Variants in RARB observed in about 807,000 individuals in gnomAD.
The protein encoded by RARB is retinoic acid receptor beta, also known as HBV-activated protein.
In RARB, 17 loss-of-function variants were observed where a neutral mutation model predicts 51.9. The observed-to-expected ratio is 0.33, with a 90% confidence interval of 0.22 to 0.49. The LOEUF (loss-of-function observed/expected upper bound fraction) is 0.49, where lower values mean the gene tolerates loss of function less well. Ranked by LOEUF, RARB falls within the 20% of genes least tolerant of loss-of-function variation. RARB has a pLI of 0.99. For synonymous variants in RARB, 215 were observed against 195.4 expected, an observed-to-expected ratio of 1.10 and a Z score of -0.84; for missense variants, 369 against 550.8, an observed-to-expected ratio of 0.67 and a Z score of 3.30.
intron 4 of RARB, among the ~76,000 whole-genome samples, chr3:25,161,722 C>G (rs911305364): frequency 1.3e-5 from 2 of 152,156 alleles, no homozygotes; most frequent in African/African-American, 4.8e-5. Context: ...GTGTGTGTAT[C>G]TTACTCACTT....
intron 2 of RARB, among the ~76,000 whole-genome samples, chr3:25,059,558 T>A (rs1698506919): frequency 6.6e-6 from 1 of 151,834 alleles, no homozygotes; most frequent in Admixed American, 6.6e-5. Flanking sequence ...AATACGTATT[T>A]AATGATGCTT....
At chr3:24,897,493 G>T (rs1326675110) in intron 2 of RARB, among the ~76,000 whole-genome samples, 1 of 152,116 alleles carries the variant, frequency 6.6e-6, no homozygotes, top group Non-Finnish European at 1.5e-5. Flanking sequence ...AAGTGACCAA[G>T]TTACTTCTTC....
chr3:25,058,457 T>C (rs1461506634), intron 2 of RARB, among the ~76,000 whole-genome samples: 1 of 151,790 alleles, frequency 6.6e-6, no homozygotes, highest in Non-Finnish European at 1.5e-5. Flanking sequence ...CTCTGGCCAT[T>C]GAACAAATGT....
At position 25,461,376 on chromosome 3, in the gene RARB, C is replaced by T. The variant is rs146690284; in HGVS notation, c.306+35C>T. The stretch of plus-strand genomic sequence containing the variant: ...CACACTTCTGTGCCTGATGAACTCT[C>T]ATTCTCCATGTACTTTATGGAGGTG... On this transcript the variant is annotated intron_variant, in intron 2 of 7. Transcript: ENST00000330688. The T allele has an allele frequency of 4.3e-4, 686 of 1,605,338 alleles. 8 individuals are homozygous for T. The East Asian group carries it at 0.012, about 28-fold the overall frequency.
At chr3:25,401,391 C>A (rs960127280) in intron 5 of RARB, among the ~76,000 whole-genome samples, 4 of 152,136 alleles carry the variant, frequency 2.6e-5, no homozygotes, top group Non-Finnish European at 5.9e-5. Flanking sequence ...TATAATTTTT[C>A]ATATACAACG....
At chr3:25,029,687 T>C (rs1431980124) in intron 2 of RARB, among the ~76,000 whole-genome samples, 1 of 152,218 alleles carries the variant, frequency 6.6e-6, no homozygotes, top group Non-Finnish European at 1.5e-5. Context: ...ACCTTGTGTA[T>C]TAAAGGTAAT....
intron 2 of RARB, among the ~76,000 whole-genome samples, chr3:25,010,643 C>A (rs1697375360): frequency 6.6e-6 from 1 of 152,028 alleles, no homozygotes; most frequent in Non-Finnish European, 1.5e-5. Context: ...CATTTAACCC[C>A]CACAGTACCC....
At chr3:25,148,603 G>T (rs1363991896) in intron 4 of RARB, among the ~76,000 whole-genome samples, 1 of 152,132 alleles carries the variant, frequency 6.6e-6, no homozygotes. Context: ...AGCGTGTGGT[G>T]CAGTGGAAAA....
chr3:25,330,584 T>A (rs774974240), intron 5 of RARB, among the ~76,000 whole-genome samples: 1 of 152,022 alleles, frequency 6.6e-6, no homozygotes, highest in Non-Finnish European at 1.5e-5. Context: ...GACTATCAAT[T>A]CTAGGAAGAA....
chr3:24,892,403 C>T (rs917829336), intron 2 of RARB, among the ~76,000 whole-genome samples: 1 of 152,086 alleles, frequency 6.6e-6, no homozygotes, highest in Non-Finnish European at 1.5e-5. Flanking sequence ...ATGGTATAAA[C>T]TGCTCAGTTG....
intron 4 of RARB, among the ~76,000 whole-genome samples, chr3:25,148,083 C>G (rs1184773381): frequency 1.3e-5 from 2 of 152,184 alleles, no homozygotes; most frequent in Non-Finnish European, 2.9e-5. Flanking sequence ...TTAAACCACT[C>G]AGGAATTCTG....
At chr3:24,907,820 T>C (rs1256458639) in intron 2 of RARB, among the ~76,000 whole-genome samples, 2 of 152,096 alleles carry the variant, frequency 1.3e-5, no homozygotes, top group African/African-American at 2.4e-5. Context: ...TACCTTTAAA[T>C]ATAGAAATGA....
intron 2 of RARB, among the ~76,000 whole-genome samples, chr3:24,906,982 C>G (rs1307746166): frequency 6.6e-6 from 1 of 151,780 alleles, no homozygotes; most frequent in Non-Finnish European, 1.5e-5. Context: ...GTGAATTTCA[C>G]AAGCCAGGAG....
Position 25,594,625 on chromosome 3 carries a change from T to G in RARB, c.1097T>G (p.Met366Arg), listed in dbSNP as rs781234532. Residue 366 changes from methionine to arginine, a missense_variant, in exon 7 of 8, where the codon ATG becomes AGG. By Grantham distance (91) the Met-to-Arg change is moderately conservative. This residue lies in a region of RARB where 76 missense variants were observed against 153.3 expected (regional missense o/e 0.50). Coordinates refer to ENST00000330688, the MANE Select transcript of RARB (RefSeq NM_000965.5). ...AAAAGACGACCCAGCAAGCCTCACA[T>G]GTTTCCAAAGATCTTAATGAAAATC... is the stretch of plus-strand genomic sequence containing the variant. ...IRKRRPSKPH[M>R]FPKILMKITD... 1.2e-6 allele frequency: 2 copies of G among 1,613,450 alleles called. No homozygotes were observed. The highest frequency in any genetic ancestry group is 8.5e-7 in the Non-Finnish European group (1 of 1,179,782).
intron 5 of RARB, among the ~76,000 whole-genome samples, chr3:25,277,846 G>T (rs1703430649): frequency 6.6e-6 from 1 of 152,174 alleles, no homozygotes; most frequent in African/African-American, 2.4e-5. Context: ...AACACAACAT[G>T]TCTTGTACCT....
At chr3:24,987,803 T>A (rs1696826994) in intron 2 of RARB, among the ~76,000 whole-genome samples, 1 of 152,194 alleles carries the variant, frequency 6.6e-6, no homozygotes, top group Admixed American at 6.5e-5. Flanking sequence ...GAATGAACCC[T>A]CCTGTCCCCA....
chr3:24,853,857 T>C (rs1352798702), intron 1 of RARB, among the ~76,000 whole-genome samples: 1 of 152,176 alleles, frequency 6.6e-6, no homozygotes, highest in Non-Finnish European at 1.5e-5. Context: ...GGAGAGGTAA[T>C]TGGCAGCACC....
chr3:25,300,590 A>G (rs1704016920), intron 5 of RARB, among the ~76,000 whole-genome samples: 1 of 152,188 alleles, frequency 6.6e-6, no homozygotes, highest in Admixed American at 6.6e-5. Context: ...TTTCTGTAAC[A>G]GGATCATAAA....
At chr3:25,432,416 T>G (rs954479563) in intron 1 of RARB, among the ~76,000 whole-genome samples, 2 of 152,216 alleles carry the variant, frequency 1.3e-5, no homozygotes, top group Non-Finnish European at 2.9e-5. Context: ...AGTTAGAATT[T>G]GATTTGCCAG....
Sources: gnomAD v4.1 joint callset for allele counts (sites outside exome capture counted in the v4.1 genomes callset) on GRCh38, gnomAD v4.1.1 for gene constraint, gnomAD v4.1.1 regional missense constraint, MANE v1.5 for transcripts, NCBI Gene and HGNC (gene_info 2026-07-23, HGNC 2026-07-21) for gene names.